The following GAGE10 variants were observed in gnomAD, a reference collection of about 807,000 sequenced individuals.
GAGE10 encodes the protein G antigen 10.
A neutral mutation model predicts 11.5 loss-of-function variants in GAGE10; 9 were observed. The observed-to-expected ratio is 0.78, with a 90% confidence interval of 0.47 to 1.37. GAGE10 has a LOEUF of 1.37. Among genes scored for constraint, GAGE10 ranks in the 40% most tolerant of loss-of-function variants. The pLI is 0.00. For synonymous variants in GAGE10, 23 were observed against 29.7 expected, an observed-to-expected ratio of 0.77 and a Z score of 0.73; for missense variants, 83 against 92.9, an observed-to-expected ratio of 0.89 and a Z score of 0.44.
chrX:49,317,383 T>C, intron 4 of GAGE10, 95 bp downstream of exon 4: 2 of 1,101,806 alleles, frequency 1.8e-6, no homozygotes, highest in Non-Finnish European at 2.4e-6. Context: ...AGTCTTGCTC[T>C]GTCCACCAGG....
chrX:49,316,343 C>T (rs1372315234), intron 3 of GAGE10, among the ~76,000 whole-genome samples: 8 of 111,855 alleles, frequency 7.2e-5, no homozygotes, highest in African/African-American at 2.3e-4. Context: ...GAATAACTGC[C>T]TTTGTTTCTT....
Position 49,307,134 on chromosome X carries a change from T to C in GAGE10, c.202+1610T>C, listed in dbSNP as rs188920742. The stretch of plus-strand genomic sequence containing the variant: ...TTGCAAGAATAGTACAATGAACTCC[T>C]ATACTTTTCACCTAGATTCACCAAT... On this transcript the variant is annotated intron_variant, in intron 3 of 4. Transcript: ENST00000407599. Among the ~76,000 whole-genome samples the C allele has an allele frequency of 1.8e-3, 197 of 112,228 alleles. 2 individuals are homozygous for C. Among genetic ancestry groups the C allele is most frequent in the African/African-American group, 5.8e-3 (180 of 30,900 alleles).
intron 3 of GAGE10, among the ~76,000 whole-genome samples, chrX:49,314,979 A>G (rs1557125054): frequency 8.9e-6 from 1 of 112,209 alleles, no homozygotes; most frequent in East Asian, 2.8e-4. Context: ...AGTAGGAGAA[A>G]CAACCTGCCT....
At chrX:49,314,498 C>T (rs1557125012) in intron 3 of GAGE10, among the ~76,000 whole-genome samples, 1 of 112,443 alleles carries the variant, frequency 8.9e-6, no homozygotes, top group Non-Finnish European at 1.9e-5. Context: ...CAAGGACATG[C>T]AATCCTTTAA....
chrX:49,309,266 T>TA (rs1193753333), intron 3 of GAGE10, among the ~76,000 whole-genome samples: 1 of 111,999 alleles, frequency 8.9e-6, no homozygotes, highest in Non-Finnish European at 1.9e-5. Context: ...TGAAAAAATT[T>TA]AAAAAAAGAT....
intron 4 of GAGE10, among the ~76,000 whole-genome samples, chrX:49,317,688 T>A (rs148395218): frequency 5.4e-5 from 6 of 111,809 alleles, no homozygotes; most frequent in African/African-American, 1.6e-4. Flanking sequence ...CAATACTGCC[T>A]CTTTAGTAAG....
intron 3 of GAGE10, among the ~76,000 whole-genome samples, chrX:49,310,434 G>A (rs1398972111): frequency 8.9e-6 from 1 of 111,784 alleles, no homozygotes; most frequent in African/African-American, 3.3e-5. Flanking sequence ...GAGTTTGAAA[G>A]CCGGCCGAGG....
At chrX:49,315,912 G>A (rs781803529) in intron 3 of GAGE10, among the ~76,000 whole-genome samples, 2 of 111,720 alleles carry the variant, frequency 1.8e-5, no homozygotes, top group Non-Finnish European at 3.8e-5. Context: ...ATAGTAACCC[G>A]ACACACTACC....
rs782121682 is a variant in GAGE10 at position 49,310,368 on chromosome X, C to A, written c.202+4844C>A. 9.9e-5 allele frequency among the ~76,000 whole-genome samples: 11 copies of A among 111,511 alleles called. No homozygotes were observed. In the South Asian group the frequency reaches 3.7e-3, roughly 38 times the overall value. ...TACAGGAAGAGAAGCTGGCTCTTTG[C>A]AAGGAGACATGGACGCGGGTGTGAA... is the stretch of plus-strand genomic sequence containing the variant. On this transcript the variant is annotated intron_variant, in intron 3 of 4. Transcript: ENST00000407599.
At chrX:49,315,668 G>T (rs1274895968) in intron 3 of GAGE10, among the ~76,000 whole-genome samples, 1 of 112,478 alleles carries the variant, frequency 8.9e-6, no homozygotes, top group Admixed American at 9.4e-5. Context: ...CCTAGAAATC[G>T]ATGATAATGG....
intron 3 of GAGE10, among the ~76,000 whole-genome samples, chrX:49,312,989 T>C (rs1246584398): frequency 8.9e-6 from 1 of 112,433 alleles, no homozygotes; most frequent in Non-Finnish European, 1.9e-5. Flanking sequence ...AACCTGCTTG[T>C]AGAGTTCACT....
Position 49,317,239 on chromosome X carries a change from C to T in GAGE10, c.279C>T (p.Gly93=), listed in dbSNP as rs782763482. The T allele has an allele frequency of 8.3e-7, 1 of 1,205,673 alleles. No homozygotes were observed. Among genetic ancestry groups the T allele is most frequent in the Non-Finnish European group, 1.1e-6 (1 of 892,603 alleles). The change falls in exon 4 of 5, where the codon GGC becomes GGT. Residue 93 remains glycine, a synonymous_variant. Transcript: ENST00000407599. ...GTGAGTGTGGAGATGGTCCTGATGG[C>T]CAGGAGATGGGCCTGCCAAATCCAG... ...TGCECGDGPD[G]QEMGLPNPEE...
intron 3 of GAGE10, among the ~76,000 whole-genome samples, chrX:49,314,586 G>A (rs1316448872): frequency 8.9e-6 from 1 of 112,556 alleles, no homozygotes; most frequent in Admixed American, 9.4e-5. Flanking sequence ...CAGACAAGGA[G>A]CAGGCCTTGG....
At position 49,305,093 on chromosome X, in the gene GAGE10, A is replaced by G. The variant is rs797023772; in HGVS notation, c.81+153A>G. 1.1e-4 allele frequency among the ~76,000 whole-genome samples: 12 copies of G among 112,441 alleles called. No individual in the cohort carries two copies. The South Asian group carries it at 1.5e-3, about 14-fold the overall frequency. On this transcript the variant is annotated intron_variant, in intron 2 of 4. Coordinates refer to ENST00000407599, the MANE Select transcript of GAGE10 (RefSeq NM_001098413.4). ...CATGAAGGAAACATTGATTCTGGAGAATTTTTTTTCCTCTAGTGTTCTTCA... is the reference window on the plus strand; with the variant it reads ...CATGAAGGAAACATTGATTCTGGAGGATTTTTTTTCCTCTAGTGTTCTTCA...
rs1557125360 is a variant in GAGE10 at position 49,317,208 on chromosome X, C to A, written c.248C>A (p.Thr83Asn). 1.7e-6 allele frequency: 2 copies of A among 1,206,674 alleles called. No individual in the cohort carries two copies. The highest frequency in any genetic ancestry group is 1.7e-5 in the African/African-American group (1 of 57,618). The change falls in exon 4 of 5, where the codon ACT becomes AAT. Residue 83 changes from threonine to asparagine, a missense_variant. Transcript: ENST00000407599. ...AGCCAGGAACAGGTTCACCCAAAGACTGGGTGTGAGTGTGGAGATGGTCCT... is the reference window on the plus strand; with the variant it reads ...AGCCAGGAACAGGTTCACCCAAAGAATGGGTGTGAGTGTGGAGATGGTCCT... Reference protein sequence around the residue: ...ADSQEQVHPKTGCECGDGPDG... With the variant: ...ADSQEQVHPKNGCECGDGPDG...
chrX:49,309,452 T>C (rs781810614), intron 3 of GAGE10, among the ~76,000 whole-genome samples: 2 of 111,911 alleles, frequency 1.8e-5, no homozygotes, highest in African/African-American at 3.3e-5. Context: ...ACCTAGTCTT[T>C]ACATTGATGA....
At chrX:49,309,742 C>G (rs1419484660) in intron 3 of GAGE10, among the ~76,000 whole-genome samples, 3 of 111,858 alleles carry the variant, frequency 2.7e-5, no homozygotes, top group Middle Eastern at 4.7e-3. Flanking sequence ...CAATCTACCC[C>G]CCTTTACTAA....
At chrX:49,308,189 A>T (rs1363919816) in intron 3 of GAGE10, among the ~76,000 whole-genome samples, 4 of 112,440 alleles carry the variant, frequency 3.6e-5, no homozygotes, top group Non-Finnish European at 7.5e-5. Flanking sequence ...TGTTAATCTG[A>T]CTAGGTCGGT....
intron 4 of GAGE10, 89 bp downstream of exon 4, chrX:49,317,377 T>C (rs1602731304): frequency 1.8e-6 from 2 of 1,113,318 alleles, no homozygotes; most frequent in East Asian, 3.3e-5. Context: ...AGATGGAGTC[T>C]TGCTCTGTCC....
Sources: gnomAD v4.1 joint callset for allele counts (sites outside exome capture counted in the v4.1 genomes callset) on GRCh38, gnomAD v4.1.1 for gene constraint, MANE v1.5 for transcripts, NCBI Gene and HGNC (gene_info 2026-07-23, HGNC 2026-07-21) for gene names.